Variants in PARP10 observed in about 807,000 individuals in gnomAD.
PARP10 encodes protein mono-ADP-ribosyltransferase PARP10.
In PARP10, 56 loss-of-function variants were observed where a neutral mutation model predicts 82.4. The ratio of observed to expected loss-of-function variants is 0.68; its 90% CI spans 0.55 to 0.85. The LOEUF (loss-of-function observed/expected upper bound fraction) is 0.85. Among genes scored for constraint, PARP10 ranks in the 40% least tolerant of loss-of-function variants. The probability of loss-of-function intolerance (pLI) is 0.00; values close to 1 mark genes in which losing one functional copy is unlikely to be tolerated. For missense variants in PARP10, 1,227 were observed against 1,379.4 expected, an observed-to-expected ratio of 0.89 and a Z score of 1.75; for synonymous variants, 576 against 601.1, an observed-to-expected ratio of 0.96 and a Z score of 0.61.
In PARP10 at chr8:143,978,039, G is replaced by A; in HGVS notation, c.2599C>T (p.Leu867=). The A allele has an allele frequency of 6.4e-7, 1 of 1,561,718 alleles. No homozygotes were observed. The highest frequency in any genetic ancestry group is 1.9e-4 in the Middle Eastern group (1 of 5,356). ...CGCTGCAGCAGGCGCTCCCGGTACAGCTCATACTGCTGCTGCAGCAGCGGG... is the reference window on the plus strand; with the variant it reads ...CGCTGCAGCAGGCGCTCCCGGTACAACTCATACTGCTGCTGCAGCAGCGGG... ...SHPLLQQQYE[L]YRERLLQRCE... is the part of the protein sequence containing the mutation. Residue 867 remains leucine, a synonymous_variant, in exon 10 of 11, where the codon CTG becomes TTG. Coordinates refer to ENST00000313028, the MANE Select transcript of PARP10 (RefSeq NM_032789.5).
upstream of PARP10, chr8:143,990,539 T>G: frequency 6.6e-6 from 1 of 151,320 alleles, no homozygotes; most frequent in Non-Finnish European, 1.5e-5. This position sits in a 1 kb window ranked among gnomAD's most constrained non-coding sequence, Gnocchi z 5.6. Flanking sequence ...GCCCGCTTTG[T>G]TCCCCGCACG....
At chr8:143,988,759 C>G (rs1834042945), upstream of PARP10, 1 of 152,318 alleles carries the variant, frequency 6.6e-6, no homozygotes, top group South Asian at 2.1e-4. Context: ...TAAGCCACCG[C>G]GCCCAGCAAG....
At chr8:143,996,988 G>C (rs1302198168) in intron 1 of PARP10, among the ~76,000 whole-genome samples, 1 of 152,200 alleles carries the variant, frequency 6.6e-6, no homozygotes, top group Non-Finnish European at 1.5e-5. Flanking sequence ...GCAGCGGGAA[G>C]GGGGAGGGGA....
chr8:143,984,766 C>G lies in PARP10; in HGVS notation c.1236G>C (p.Gly412=). 1 of 1,613,914 alleles carries G rather than the reference C, an allele frequency of 6.2e-7. No individual in the cohort carries two copies. The highest frequency in any genetic ancestry group is 8.5e-7 in the Non-Finnish European group (1 of 1,179,902). ...TGGTGATCTCCATGGGACCCACCAG[C>G]CCCTCTTGCTCTGGTGAGTCCATGG... The part of the protein sequence containing the change: ...EIAMDSPEQE[G]LVGPMEITMG... The change falls in exon 5 of 11, where the codon GGG becomes GGC. Residue 412 remains glycine (G), a synonymous_variant. Coordinates refer to ENST00000313028, the MANE Select transcript of PARP10 (RefSeq NM_032789.5).
At chr8:144,010,721 T>A (rs775671264) in intron 1 of PARP10, among the ~76,000 whole-genome samples, 2 of 151,752 alleles carry the variant, frequency 1.3e-5, no homozygotes, top group African/African-American at 2.4e-5. Flanking sequence ...CAAAAAAAAA[T>A]GTTTTTAATA....
upstream of PARP10, among the ~76,000 whole-genome samples, chr8:143,996,099 C>G (rs183270421): frequency 3.1e-3 from 465 of 152,340 alleles, no homozygotes; most frequent in Middle Eastern, 6.8e-3. Flanking sequence ...CCAGCACCCT[C>G]TTAACACGAC....
At chr8:144,002,892 T>C (rs1178496454) in intron 1 of PARP10, among the ~76,000 whole-genome samples, 1 of 152,152 alleles carries the variant, frequency 6.6e-6, no homozygotes. Context: ...GCCTAGGGAA[T>C]ATAGCTAGAC....
intron 1 of PARP10, among the ~76,000 whole-genome samples, chr8:144,007,652 C>T (rs911632885): frequency 1.1e-4 from 16 of 152,174 alleles, no homozygotes; most frequent in African/African-American, 3.9e-4. Context: ...TGGGCAGAGC[C>T]TAGCTCCAAT....
chr8:143,977,192 G>A lies in PARP10; in HGVS notation c.*292C>T, dbSNP rs564372131. ...CCCTTCCGCCTGGGTTCACGTTCAC[G>A]TTTATTCAAACAACAGAGCCGACTC... On this transcript the variant is annotated 3_prime_UTR_variant, in exon 11 of 11. Coordinates refer to ENST00000313028, the MANE Select transcript of PARP10 (RefSeq NM_032789.5). The A allele has an allele frequency of 1.8e-5, 8 of 448,582 alleles. No homozygotes were observed. Among genetic ancestry groups the A allele is most frequent in the African/African-American group, 1.4e-4 (7 of 48,292 alleles). 27.8% of individuals were successfully genotyped at this position (448,582 alleles called of 1,614,324 possible). A position where few individuals can be genotyped will look rare whatever the true frequency, so the allele number is the denominator to read the frequency against.
At position 143,986,179 on chromosome 8, in the gene PARP10, G is replaced by A; in HGVS notation, c.57C>T (p.Pro19=). Residue 19 remains proline (P), a synonymous_variant, in exon 2 of 11, where the codon CCC becomes CCT. Transcript: ENST00000313028. ...AGVAVEVRGL[P]PAVPDELLTL... is the part of the protein sequence containing the mutation. ...TGAGCAGCTCGTCGGGCACGGCAGGGGGCAGTCCACGGACCTCCACTGCCA... is the reference window on the plus strand; with the variant it reads ...TGAGCAGCTCGTCGGGCACGGCAGGAGGCAGTCCACGGACCTCCACTGCCA... The A allele has an allele frequency of 6.2e-7, 1 of 1,613,890 alleles. No homozygotes were observed. The highest frequency in any genetic ancestry group is 8.5e-7 in the Non-Finnish European group (1 of 1,179,944).
At chr8:143,993,115 A>G (rs1834128627), upstream of PARP10, 1 of 426,136 alleles carries the variant, frequency 2.3e-6, no homozygotes, top group East Asian at 4.5e-5. Context: ...TTGTTGCATG[A>G]GCCCTGTCTG....
intron 9 of PARP10, among the ~76,000 whole-genome samples, chr8:143,978,682 C>G (rs1465691650): frequency 1.3e-5 from 2 of 152,136 alleles, no homozygotes; most frequent in Non-Finnish European, 2.9e-5. Context: ...GAAGACCCAG[C>G]TAGCGTTCTA....
chr8:143,985,101 G>A lies in PARP10; in HGVS notation c.901C>T (p.Pro301Ser), dbSNP rs369241577. ...CTCAGAGAGGCCCCTGACTGCCCTG[G>A]TTCCTCGCCAGAGCCCATTGTCACA... ...GTVTMGSGEE[P>S]GQSGASLRTG... Residue 301 changes from proline to serine, a missense_variant, in exon 5 of 11, where the codon CCA becomes TCA. Coordinates refer to ENST00000313028, the MANE Select transcript of PARP10 (RefSeq NM_032789.5). 49 of 1,613,792 alleles carry A rather than the reference G, an allele frequency of 3.0e-5. No homozygotes were observed. Among genetic ancestry groups the A allele is most frequent in the Non-Finnish European group, 4.0e-5 (47 of 1,179,990 alleles).
intron 1 of PARP10, among the ~76,000 whole-genome samples, chr8:144,004,744 T>C (rs1312926813): frequency 6.6e-6 from 1 of 152,182 alleles, no homozygotes; most frequent in Non-Finnish European, 1.5e-5. Flanking sequence ...GAGACAGTGT[T>C]TCACAGGTCG....
chr8:143,997,524 A>G (rs572008683), intron 1 of PARP10, among the ~76,000 whole-genome samples: 1 of 152,296 alleles, frequency 6.6e-6, no homozygotes, highest in South Asian at 2.1e-4. Flanking sequence ...AGGCAAGGCC[A>G]TGATCACCTC....
At chr8:143,979,846 T>C (rs1429180795) in intron 9 of PARP10, among the ~76,000 whole-genome samples, 3 of 150,316 alleles carry the variant, frequency 2.0e-5, no homozygotes, top group African/African-American at 7.4e-5. Context: ...ACCCCGTCTC[T>C]ATTAAAAATA....
At position 143,985,779 on chromosome 8, in the gene PARP10, C is replaced by T; in HGVS notation, c.378G>A (p.Leu126=). 1 of 1,611,810 alleles carries T rather than the reference C, an allele frequency of 6.2e-7. No homozygotes were observed. Among genetic ancestry groups the T allele is most frequent in the Non-Finnish European group, 8.5e-7 (1 of 1,179,192 alleles). Residue 126 remains leucine (L), a synonymous_variant, in exon 3 of 11, where the codon TTG becomes TTA. Transcript: ENST00000313028. Reference sequence around the variant, plus strand: ...GAGCCCGGTCTGGCCGGGGGCTGGCCAAGGCACAGCAAGGCTGTACTGGGA... The same window carrying T: ...GAGCCCGGTCTGGCCGGGGGCTGGCTAAGGCACAGCAAGGCTGTACTGGGA... The part of the protein sequence containing the change: ...SGLPVQPCCA[L]ASPRPDRALV...
upstream of PARP10, chr8:143,991,863 C>T (rs372414659): frequency 1.9e-4 from 303 of 1,609,398 alleles, 2 homozygotes; most frequent in South Asian, 2.7e-3. Context: ...TGACTCTGAG[C>T]GGCTCCTTCC....
Position 143,983,217 on chromosome 8 carries a change from C to A in PARP10, c.2372G>T (p.Gly791Val). 1 of 1,613,746 alleles carries A rather than the reference C, an allele frequency of 6.2e-7. No homozygotes were observed. The highest frequency in any genetic ancestry group is 8.5e-7 in the Non-Finnish European group (1 of 1,179,982). Residue 791 changes from glycine to valine, a missense_variant, in exon 8 of 11, where the codon GGC becomes GTC. By Grantham distance (109) the Gly-to-Val change is moderately radical. Coordinates refer to ENST00000313028, the MANE Select transcript of PARP10 (RefSeq NM_032789.5). Reference sequence around the variant, plus strand: ...AAAGGCCAAACTCTGATCCCAGGGGCCAGCCAGAAGTGCCACCAAGTGGCG... The same window carrying A: ...AAAGGCCAAACTCTGATCCCAGGGGACAGCCAGAAGTGCCACCAAGTGGCG... ...AARHLVALLA[G>V]PWDQSLAFPL...
Sources: allele counts gnomAD v4.1 joint callset (sites outside exome capture counted in the v4.1 genomes callset), GRCh38; gene constraint gnomAD v4.1.1; non-coding constraint Gnocchi (gnomAD v3.1); transcripts MANE v1.5; gene names NCBI Gene and HGNC (gene_info 2026-07-23, HGNC 2026-07-21).